The following SLC25A21 variants were observed in gnomAD, a reference collection of about 807,000 sequenced individuals.
The protein encoded by SLC25A21 is mitochondrial 2-oxodicarboxylate carrier.
In SLC25A21, 47 loss-of-function variants were observed where a neutral mutation model predicts 43.8. The ratio of observed to expected loss-of-function variants is 1.07; its 90% CI spans 0.85 to 1.37. The LOEUF (loss-of-function observed/expected upper bound fraction) is 1.37, where lower values mean the gene tolerates loss of function less well. Ranked by LOEUF, SLC25A21 falls within the 40% of genes most tolerant of loss-of-function variation. The probability of loss-of-function intolerance (pLI) is 0.00; values close to 1 mark genes in which losing one functional copy is unlikely to be tolerated. For synonymous variants in SLC25A21, 131 were observed against 121.3 expected, an observed-to-expected ratio of 1.08 and a Z score of -0.52; for missense variants, 352 against 350.2, an observed-to-expected ratio of 1.00 and a Z score of -0.04.
At chr14:37,086,414 T>A (rs549659740) in intron 1 of SLC25A21, among the ~76,000 whole-genome samples, 1 of 152,280 alleles carries the variant, frequency 6.6e-6, no homozygotes, top group East Asian at 1.9e-4. Context: ...TGTATAGATA[T>A]GTTTGTGTAA....
At chr14:36,789,906 T>A (rs1887415553) in intron 3 of SLC25A21, among the ~76,000 whole-genome samples, 2 of 123,084 alleles carry the variant, frequency 1.6e-5, no homozygotes, top group Admixed American at 1.0e-4. Context: ...TTATATATAT[T>A]TATATATATT....
At chr14:36,772,090 G>A (rs567413695) in intron 3 of SLC25A21, among the ~76,000 whole-genome samples, 2 of 152,052 alleles carry the variant, frequency 1.3e-5, no homozygotes, top group Non-Finnish European at 2.9e-5. Context: ...GCCACTTCAC[G>A]GCCACAGCTG....
chr14:36,955,837 AAC>A (rs1956000102), intron 1 of SLC25A21, among the ~76,000 whole-genome samples: 1 of 152,196 alleles, frequency 6.6e-6, no homozygotes, highest in African/African-American at 2.4e-5. Flanking sequence ...GGACATAGAA[AAC>A]AGTTTCCACA....
At chr14:36,782,433 G>T (rs145986267) in intron 3 of SLC25A21, among the ~76,000 whole-genome samples, 317 of 152,222 alleles carry the variant, frequency 2.1e-3, no homozygotes, top group Non-Finnish European at 3.7e-3. Context: ...TTTGGGGTCA[G>T]TGACTGGAAA....
At chr14:36,875,322 AC>A (rs1471318850) in intron 1 of SLC25A21, among the ~76,000 whole-genome samples, 2 of 152,162 alleles carry the variant, frequency 1.3e-5, no homozygotes, top group Admixed American at 6.6e-5. Context: ...TCCCATTCCA[AC>A]CCAATAATAA....
At chr14:36,689,256 G>A (rs184057310) in intron 7 of SLC25A21, among the ~76,000 whole-genome samples, 3 of 152,244 alleles carry the variant, frequency 2.0e-5, no homozygotes, top group African/African-American at 4.8e-5. Flanking sequence ...TCACTATCAC[G>A]AGAACAGCAT....
chr14:36,879,818 CA>C (rs11290724), intron 1 of SLC25A21, among the ~76,000 whole-genome samples: 50,846 of 145,514 alleles, frequency 0.35, 8,811 homozygotes, highest in South Asian at 0.43. Context: ...CACTCTTTTC[CA>C]AAAAAAAAAA....
At chr14:36,909,578 C>T (rs1891628072) in intron 1 of SLC25A21, among the ~76,000 whole-genome samples, 1 of 152,148 alleles carries the variant, frequency 6.6e-6, no homozygotes, top group South Asian at 2.1e-4. Context: ...GACACACTGA[C>T]ATATAGAAAG....
intron 2 of SLC25A21, among the ~76,000 whole-genome samples, chr14:36,855,591 G>A (rs919676762): frequency 3.3e-5 from 5 of 152,214 alleles, no homozygotes; most frequent in African/African-American, 7.2e-5. Flanking sequence ...AATGCAAATC[G>A]TTGGTCTCCA....
At chr14:36,884,056 T>C (rs1439320671) in intron 1 of SLC25A21, among the ~76,000 whole-genome samples, 1 of 152,160 alleles carries the variant, frequency 6.6e-6, no homozygotes, top group Non-Finnish European at 1.5e-5. Flanking sequence ...ATAGTCACCA[T>C]TCTGTGCAAT....
chr14:36,708,988 T>C (rs866735234), intron 7 of SLC25A21, among the ~76,000 whole-genome samples: 43 of 147,288 alleles, frequency 2.9e-4, no homozygotes, highest in African/African-American at 9.9e-4. Flanking sequence ...CATATGACCA[T>C]ACATATATCT....
chr14:36,702,489 AAAAAAAAG>A (rs1883320287), intron 7 of SLC25A21, among the ~76,000 whole-genome samples: 2 of 150,918 alleles, frequency 1.3e-5, no homozygotes, highest in South Asian at 4.2e-4. Context: ...AAAAAAAAAA[AAAAAAAAG>A]AAAGAAAGAA....
intron 1 of SLC25A21, among the ~76,000 whole-genome samples, chr14:37,001,649 G>T (rs1264280746): frequency 1.3e-5 from 2 of 150,190 alleles, no homozygotes; most frequent in African/African-American, 4.9e-5. Context: ...TCCTTCATGG[G>T]CATATTTGCT....
intron 1 of SLC25A21, among the ~76,000 whole-genome samples, chr14:37,047,965 TA>T (rs1268566312): frequency 6.6e-6 from 1 of 152,228 alleles, no homozygotes; most frequent in Non-Finnish European, 1.5e-5. Flanking sequence ...GTTTTTATTA[TA>T]TTTTTAGGAA....
rs1013380049 is a variant in SLC25A21 at position 36,687,835 on chromosome 14, T to C, written c.604-2910A>G. Among the ~76,000 whole-genome samples the C allele has an allele frequency of 7.9e-5, 12 of 152,350 alleles. No individual in the cohort carries two copies. The South Asian group carries it at 8.3e-4, about 11-fold the overall frequency. Reference sequence around the variant, plus strand: ...CCTTTACCAAGTCTTGCTTCCTTCCTGCCTGCTAGGATCTATTCTTTGCAG... The same window carrying C: ...CCTTTACCAAGTCTTGCTTCCTTCCCGCCTGCTAGGATCTATTCTTTGCAG... On this transcript the variant is annotated intron_variant, in intron 7 of 9. Coordinates refer to ENST00000331299, the MANE Select transcript of SLC25A21 (RefSeq NM_030631.4).
intron 3 of SLC25A21, among the ~76,000 whole-genome samples, chr14:36,745,349 G>A (rs920158271): frequency 6.6e-6 from 1 of 152,082 alleles, no homozygotes; most frequent in Admixed American, 6.6e-5. Context: ...AATCCTTTGG[G>A]TATATACCTA....
chr14:36,678,406 A>T lies in SLC25A21; in HGVS notation c.*2252T>A. The T allele has an allele frequency of 8.5e-7, 1 of 1,174,798 alleles. No homozygotes were observed. The highest frequency in any genetic ancestry group is 1.3e-5 in the South Asian group (1 of 76,470). 72.8% of individuals were successfully genotyped at this position (1,174,798 alleles called of 1,614,324 possible). On this transcript the variant is annotated 3_prime_UTR_variant, in exon 10 of 10. Coordinates refer to ENST00000331299, the MANE Select transcript of SLC25A21 (RefSeq NM_030631.4). The stretch of plus-strand genomic sequence containing the variant: ...TTATAACTTCAGGAGAAGAATAAGC[A>T]GAAGGAGCAGATGAACTCTCAGGGC...
intron 1 of SLC25A21, among the ~76,000 whole-genome samples, chr14:36,947,016 T>A (rs1892694305): frequency 6.6e-6 from 1 of 152,240 alleles, no homozygotes; most frequent in African/African-American, 2.4e-5. Flanking sequence ...CCTCCAGCTC[T>A]CCTAGACCCA....
At chr14:37,017,931 C>A (rs1333511548) in intron 1 of SLC25A21, among the ~76,000 whole-genome samples, 4 of 151,860 alleles carry the variant, frequency 2.6e-5, no homozygotes, top group Non-Finnish European at 5.9e-5. Flanking sequence ...ATGGTGCAAT[C>A]CCTTTCATGT....
Sources: gnomAD v4.1 joint callset for allele counts (sites outside exome capture counted in the v4.1 genomes callset) on GRCh38, gnomAD v4.1.1 for gene constraint, MANE v1.5 for transcripts, NCBI Gene and HGNC (gene_info 2026-07-23, HGNC 2026-07-21) for gene names.